Variants in PDPR observed in about 807,000 individuals in gnomAD.
PDPR encodes the protein pyruvate dehydrogenase phosphatase regulatory subunit, mitochondrial.
In PDPR, 50 loss-of-function variants were observed where a neutral mutation model predicts 102.2. That is an observed-to-expected ratio of 0.49 (90% CI 0.39 to 0.62). The LOEUF is 0.62. Among genes scored for constraint, PDPR ranks in the 20% least tolerant of loss-of-function variants. The pLI is 0.00. For missense variants in PDPR, 625 were observed against 1,098.2 expected, an observed-to-expected ratio of 0.57 and a Z score of 6.09; for synonymous variants, 259 against 406.0, an observed-to-expected ratio of 0.64 and a Z score of 4.35.
At chr16:70,163,115 A>G (rs568660910), downstream of PDPR, among the ~76,000 whole-genome samples, 10 of 152,344 alleles carry the variant, frequency 6.6e-5, no homozygotes, top group Middle Eastern at 3.4e-3. Flanking sequence ...TGCCCAGCTA[A>G]TTTTTGTATT....
chr16:70,120,340 A>G (rs562762860), intron 2 of PDPR, 121 bp from the exon 3 acceptor site: 101 of 644,146 alleles, frequency 1.6e-4, no homozygotes, highest in South Asian at 9.9e-4. Context: ...GTGAGGCACC[A>G]TGCCCAGCCA....
intron 17 of PDPR, among the ~76,000 whole-genome samples, chr16:70,149,800 CT>C (rs548680781): frequency 2.0e-5 from 3 of 152,106 alleles, no homozygotes; most frequent in Non-Finnish European, 4.4e-5. Flanking sequence ...TCTCCAGAAC[CT>C]TTTTTTTGAG....
intron 17 of PDPR, 33 bp downstream of exon 17, chr16:70,148,586 A>G (rs767647727): frequency 1.4e-6 from 2 of 1,441,244 alleles, no homozygotes; most frequent in East Asian, 2.4e-5. Context: ...CCTTCCCTTC[A>G]CTTCCCTTCC....
chr16:70,141,600 T>G (rs1965719707), intron 11 of PDPR, among the ~76,000 whole-genome samples: 2 of 152,278 alleles, frequency 1.3e-5, no homozygotes, highest in Non-Finnish European at 2.9e-5. Flanking sequence ...AACCTTCTTC[T>G]CTGCTATGAA....
rs1966846389 is a variant in PDPR at position 70,153,384 on chromosome 16, C to T, written c.2053-7C>T. 1 of 1,609,546 alleles carries T rather than the reference C, an allele frequency of 6.2e-7. No homozygotes were observed. The highest frequency in any genetic ancestry group is 1.1e-5 in the South Asian group (1 of 90,232). On this transcript the variant is annotated splice_polypyrimidine_tract_variant and splice_region_variant and intron_variant, in intron 17 of 18. Transcript: ENST00000288050. The stretch of plus-strand genomic sequence containing the variant: ...GCTGCTTATGAACTTTCTGTCTCTT[C>T]CTATAGTACGCCCTGCATGTATACA...
At chr16:70,123,085 A>G (rs1405457570) in intron 3 of PDPR, among the ~76,000 whole-genome samples, 2 of 152,072 alleles carry the variant, frequency 1.3e-5, no homozygotes, top group Non-Finnish European at 2.9e-5. Context: ...TATTTTTAGT[A>G]TAGATGGGGT....
rs750278185 is a variant in PDPR at position 70,156,897 on chromosome 16, C to T, written c.*18C>T. On this transcript the variant is annotated 3_prime_UTR_variant, in exon 19 of 19. Transcript: ENST00000288050. Reference sequence around the variant, plus strand: ...GGAAGTGATGCCACCAGGGCAGCCTCACCTCCTCCCCATCATCTTGTCCTA... The same window carrying T: ...GGAAGTGATGCCACCAGGGCAGCCTTACCTCCTCCCCATCATCTTGTCCTA... 1 of 1,609,796 alleles carries T rather than the reference C, an allele frequency of 6.2e-7. No individual in the cohort carries two copies. The highest frequency in any genetic ancestry group is 1.1e-5 in the South Asian group (1 of 90,338).
intron 13 of PDPR, among the ~76,000 whole-genome samples, chr16:70,143,256 A>G (rs1346755351): frequency 3.3e-5 from 5 of 152,258 alleles, no homozygotes; most frequent in African/African-American, 9.6e-5. Context: ...TTAGTGTTTC[A>G]TCTGTATTGT....
Position 70,146,229 on chromosome 16 carries a change from G to T in PDPR, c.1962+1G>T. 6.2e-7 allele frequency: 1 copy of T among 1,613,862 alleles called. No homozygotes were observed. Among genetic ancestry groups the T allele is most frequent in the Non-Finnish European group, 8.5e-7 (1 of 1,179,840 alleles). On this transcript the variant is annotated splice_donor_variant, in intron 16 of 18. Coordinates refer to ENST00000288050, the MANE Select transcript of PDPR (RefSeq NM_017990.5). LOFTEE classifies it high-confidence loss of function. ...CCACTTCCCAAGCCTCTTTTGCAAG[G>T]TAAGTGCTGATAAAGTTCTGTTTCT...
At chr16:70,138,752 C>G in intron 10 of PDPR, 147 bp from the exon 11 acceptor site, 1 of 1,450,486 alleles carries the variant, frequency 6.9e-7, no homozygotes, top group Non-Finnish European at 9.4e-7. Flanking sequence ...TTCGTTTCTT[C>G]CAGAAAAGTT....
intron 8 of PDPR, 155 bp downstream of exon 8, chr16:70,131,574 T>C: frequency 1.4e-6 from 1 of 706,040 alleles, no homozygotes; most frequent in East Asian, 1.5e-4. Context: ...GACTTTTCTT[T>C]ATTAACTCTT....
At chr16:70,120,164 C>T (rs766469840) in intron 2 of PDPR, 4 of 279,098 alleles carry the variant, frequency 1.4e-5, no homozygotes, top group East Asian at 9.4e-5. Flanking sequence ...ATCCACTCGC[C>T]GCGGCCTCCC....
chr16:70,121,537 C>A (rs1255595565), intron 3 of PDPR, among the ~76,000 whole-genome samples: 1 of 152,044 alleles, frequency 6.6e-6, no homozygotes, highest in East Asian at 1.9e-4. Flanking sequence ...GCTAAACATA[C>A]AAAAATTAGC....
intron 6 of PDPR, among the ~76,000 whole-genome samples, chr16:70,129,549 A>T (rs1337487781): frequency 6.6e-6 from 1 of 152,274 alleles, no homozygotes; most frequent in African/African-American, 2.4e-5. Context: ...GGGTTTCGCC[A>T]TATTGGCCAG....
chr16:70,141,807 C>T (rs942762253), intron 11 of PDPR, among the ~76,000 whole-genome samples: 5 of 152,258 alleles, frequency 3.3e-5, no homozygotes, highest in African/African-American at 1.2e-4. Flanking sequence ...ACTACATTAG[C>T]CTGGAAATTG....
At position 70,153,534 on chromosome 16, in the gene PDPR, C is replaced by G; in HGVS notation, c.2196C>G (p.Pro732=). 1 of 1,611,194 alleles carries G rather than the reference C, an allele frequency of 6.2e-7. No individual in the cohort carries two copies. ...WGQDINNLTT[P]LECGRESRVK... is the part of the protein sequence containing the mutation. ...AGGATATAAATAACCTCACCACGCC[C>G]CTGGAATGTGGACGAGAGTCTCGGG... Residue 732 remains proline, a synonymous_variant, in exon 18 of 19, where the codon CCC becomes CCG. Coordinates refer to ENST00000288050, the MANE Select transcript of PDPR (RefSeq NM_017990.5).
intron 2 of PDPR, among the ~76,000 whole-genome samples, chr16:70,117,803 A>G (rs1348148100): frequency 6.6e-6 from 1 of 152,114 alleles, no homozygotes; most frequent in Non-Finnish European, 1.5e-5. Flanking sequence ...GGCATCAGAA[A>G]GTCATTAAGG....
Position 70,156,753 on chromosome 16 carries a change from A to G in PDPR, c.2514A>G (p.Gly838=), listed in dbSNP as rs565577688. The change falls in exon 19 of 19, where the codon GGA becomes GGG. Residue 838 remains glycine (G), a synonymous_variant. Coordinates refer to ENST00000288050, the MANE Select transcript of PDPR (RefSeq NM_017990.5). ...TGACAGCAGATTTCATCAACCGGGGAGAGTATGAGATTGACATCGCGGGAT... is the reference window on the plus strand; with the variant it reads ...TGACAGCAGATTTCATCAACCGGGGGGAGTATGAGATTGACATCGCGGGAT... ...QVVTADFINR[G]EYEIDIAGYR... is the part of the protein sequence containing the mutation. The G allele has an allele frequency of 6.2e-6, 10 of 1,614,082 alleles. No homozygotes were observed. Among genetic ancestry groups the G allele is most frequent in the Non-Finnish European group, 8.5e-6 (10 of 1,179,914 alleles).
At chr16:70,116,587 C>T (rs555957337) in intron 2 of PDPR, among the ~76,000 whole-genome samples, 3 of 144,008 alleles carry the variant, frequency 2.1e-5, no homozygotes, top group South Asian at 4.4e-4. Context: ...ACAAGATTGG[C>T]CTGTGTGGTG....
Sources: allele counts gnomAD v4.1 joint callset (sites outside exome capture counted in the v4.1 genomes callset), GRCh38; gene constraint gnomAD v4.1.1; transcripts MANE v1.5; gene names NCBI Gene and HGNC (gene_info 2026-07-23, HGNC 2026-07-21).